Variants in AGO3 observed in about 807,000 individuals in gnomAD.
AGO3 encodes protein argonaute-3.
AGO3 carries 16 observed loss-of-function variants against 105.5 expected under a neutral mutation model. The observed-to-expected ratio is 0.15, with a 90% CI of 0.10 to 0.23. The LOEUF (loss-of-function observed/expected upper bound fraction) is 0.23. Ranked by LOEUF, AGO3 falls within the 10% of genes least tolerant of loss-of-function variation. AGO3 has a pLI of 1.00. For missense variants in AGO3, 534 were observed against 1,088.0 expected (o/e 0.49, Z 7.16); for synonymous variants, 340 against 367.3 (o/e 0.93, Z 0.85).
chr1:35,960,810 A>G (rs900505373), intron 2 of AGO3, among the ~76,000 whole-genome samples: 3 of 152,214 alleles, frequency 2.0e-5, no homozygotes, highest in Non-Finnish European at 2.9e-5. Flanking sequence ...ATACTATAGA[A>G]TTCCAGTGCT....
intron 17 of AGO3, among the ~76,000 whole-genome samples, chr1:36,053,934 AGAT>A (rs1338209243): frequency 1.3e-5 from 2 of 151,684 alleles, no homozygotes; most frequent in Non-Finnish European, 2.9e-5. Flanking sequence ...TTTTTAGTAG[AGAT>A]GGGGTTTCAC....
chr1:36,026,252 G>A (rs1641498294), intron 11 of AGO3, among the ~76,000 whole-genome samples: 1 of 151,960 alleles, frequency 6.6e-6, no homozygotes, highest in Non-Finnish European at 1.5e-5. Flanking sequence ...GGGACTACAG[G>A]TGCCTGCCAC....
chr1:35,931,861 C>A (rs1316292284), intron 1 of AGO3, among the ~76,000 whole-genome samples: 1 of 152,184 alleles, frequency 6.6e-6, no homozygotes, highest in Admixed American at 6.5e-5. Context: ...GCTGAGATAA[C>A]GGATAACTTC....
At chr1:36,005,419 A>G (rs1453558251) in intron 6 of AGO3, among the ~76,000 whole-genome samples, 1 of 152,220 alleles carries the variant, frequency 6.6e-6, no homozygotes, top group Admixed American at 6.5e-5. Context: ...AAATATTAAA[A>G]GGAAGATCCA....
At chr1:36,003,738 A>G (rs1019385992) in intron 5 of AGO3, among the ~76,000 whole-genome samples, 1 of 139,230 alleles carries the variant, frequency 7.2e-6, no homozygotes, top group African/African-American at 2.6e-5. Context: ...ATATATATAT[A>G]TGTATATTTG....
intron 1 of AGO3, among the ~76,000 whole-genome samples, chr1:35,935,605 A>G (rs1042919929): frequency 1.3e-5 from 2 of 152,254 alleles, no homozygotes; most frequent in Admixed American, 6.5e-5. Flanking sequence ...ACAGTATGCA[A>G]AGAGGCCTGG....
intron 12 of AGO3, among the ~76,000 whole-genome samples, chr1:36,030,876 C>A (rs1002926170): frequency 4.6e-5 from 7 of 152,072 alleles, no homozygotes; most frequent in Non-Finnish European, 8.8e-5. Flanking sequence ...AGTGTTTTCC[C>A]TAGACTTTTT....
intron 9 of AGO3, 199 bp from the exon 10 acceptor site, chr1:36,013,431 G>A (rs1640721153): frequency 1.7e-6 from 1 of 595,314 alleles, no homozygotes; most frequent in East Asian, 3.2e-5. Context: ...TTACCAGGAG[G>A]TCACAGAATT....
chr1:36,012,373 C>T (rs1640662188), intron 9 of AGO3, among the ~76,000 whole-genome samples: 1 of 151,446 alleles, frequency 6.6e-6, no homozygotes, highest in Admixed American at 6.6e-5. Flanking sequence ...ATGACTTTTC[C>T]TGCTTATTGT....
intron 10 of AGO3, 73 bp downstream of exon 10, chr1:36,013,825 TATTTC>T: frequency 1.9e-6 from 3 of 1,601,286 alleles, no homozygotes; most frequent in Non-Finnish European, 2.6e-6. Flanking sequence ...ATATCAGAAA[TATTTC>T]AATTCAGCGA....
chr1:36,010,952 A>G (rs1026280528), intron 9 of AGO3, among the ~76,000 whole-genome samples: 3 of 149,590 alleles, frequency 2.0e-5, no homozygotes, highest in African/African-American at 7.7e-5. Context: ...AGGGAAAGAA[A>G]GAGAAAAAGA....
chr1:36,019,706 G>A (rs934637823), intron 11 of AGO3, among the ~76,000 whole-genome samples: 14 of 152,122 alleles, frequency 9.2e-5, no homozygotes, highest in South Asian at 2.1e-4. Context: ...CTATACATTG[G>A]TCATAAACCA....
In AGO3 at chr1:36,059,165, T is replaced by C. The variant is rs1002312047; in HGVS notation, c.*3420T>C. 2.0e-5 allele frequency: 3 copies of C among 152,198 alleles called. No homozygotes were observed. The highest frequency in any genetic ancestry group is 6.5e-5 in the Admixed American group (1 of 15,270). The allele number at this position is 152,198 out of a possible 1,614,324, so 9.4% of individuals were successfully genotyped here. On this transcript the variant is annotated 3_prime_UTR_variant, in exon 19 of 19. Coordinates refer to ENST00000373191, the MANE Select transcript of AGO3 (RefSeq NM_024852.4). ...TTTACCTTTTGAGTGATTTCTTTTT[T>C]AGAGTGCTCTTACACTAGTCAGCAT...
intron 11 of AGO3, among the ~76,000 whole-genome samples, chr1:36,015,535 T>C (rs1640860910): frequency 6.6e-6 from 1 of 152,216 alleles, no homozygotes; most frequent in Non-Finnish European, 1.5e-5. Flanking sequence ...CTTGCCTTTC[T>C]GGTGACCAGA....
Position 36,055,633 on chromosome 1 carries a change from A to T in AGO3, c.2475-4A>T. ...TTTTGTGTTCATTGCCACTTCTCTTACAGTGCTGAAGGAAGTCACGTTTCA... is the reference window on the plus strand; with the variant it reads ...TTTTGTGTTCATTGCCACTTCTCTTTCAGTGCTGAAGGAAGTCACGTTTCA... On this transcript the variant is annotated splice_polypyrimidine_tract_variant and splice_region_variant and intron_variant, in intron 18 of 18. Coordinates refer to ENST00000373191, the MANE Select transcript of AGO3 (RefSeq NM_024852.4). This position sits in a 1 kb window ranked among gnomAD's most constrained non-coding sequence, Gnocchi z 4.4. 1 of 1,613,772 alleles carries T rather than the reference A, an allele frequency of 6.2e-7. No homozygotes were observed. Among genetic ancestry groups the T allele is most frequent in the Non-Finnish European group, 8.5e-7 (1 of 1,179,676 alleles).
In AGO3 at chr1:36,057,354, A is replaced by ATG. The variant is rs1179616366; in HGVS notation, c.*1617_*1618dup. ...ATATATTTTTTATATATATATATGT[A>ATG]TGTGTGTGTATATAAACACATATGT... On this transcript the variant is annotated 3_prime_UTR_variant, in exon 19 of 19. Coordinates refer to ENST00000373191, the MANE Select transcript of AGO3 (RefSeq NM_024852.4). 1 of 151,682 alleles carries ATG rather than the reference A, an allele frequency of 6.6e-6. No homozygotes were observed. Among genetic ancestry groups the ATG allele is most frequent in the Non-Finnish European group, 1.5e-5 (1 of 67,950 alleles). The allele number at this position is 151,682 out of a possible 1,614,324, so 9.4% of individuals were successfully genotyped here.
At chr1:35,980,385 G>T (rs893104538) in intron 5 of AGO3, among the ~76,000 whole-genome samples, 2 of 152,154 alleles carry the variant, frequency 1.3e-5, no homozygotes, top group Non-Finnish European at 2.9e-5. Context: ...TATATTCATT[G>T]ATTTGAATTC....
chr1:35,972,089 A>G lies in AGO3; in HGVS notation c.378A>G (p.Lys126=). 1 of 1,614,046 alleles carries G rather than the reference A, an allele frequency of 6.2e-7. No individual in the cohort carries two copies. The highest frequency in any genetic ancestry group is 8.5e-7 in the Non-Finnish European group (1 of 1,180,016). ...ATCGACCTTTCAAGGTGTCAATCAA[A>G]TTTGTCTCTCGGGTGAGTTGGCACC... The part of the protein sequence containing the change: ...GKDRPFKVSI[K]FVSRVSWHLL... The change falls in exon 4 of 19, where the codon AAA becomes AAG. Residue 126 remains lysine, a synonymous_variant. Transcript: ENST00000373191.
intron 5 of AGO3, among the ~76,000 whole-genome samples, chr1:35,995,070 G>A (rs976922084): frequency 1.3e-5 from 2 of 151,712 alleles, no homozygotes; most frequent in Admixed American, 6.6e-5. Context: ...GCATGGTGGC[G>A]TGTGCCTGTG....
Sources: allele counts gnomAD v4.1 joint callset (sites outside exome capture counted in the v4.1 genomes callset), GRCh38; gene constraint gnomAD v4.1.1; non-coding constraint Gnocchi (gnomAD v3.1); transcripts MANE v1.5; gene names NCBI Gene and HGNC (gene_info 2026-07-23, HGNC 2026-07-21).